GCH1: variants seen among roughly 807,000 people sequenced by gnomAD.
GCH1 encodes the protein GTP cyclohydrolase I.
A neutral mutation model predicts 25.9 loss-of-function variants in GCH1; 5 were observed. The observed-to-expected ratio is 0.19, with a 90% CI of 0.10 to 0.41. The LOEUF (loss-of-function observed/expected upper bound fraction) is 0.41, where lower values mean the gene tolerates loss of function less well. GCH1 is among the 10% of genes least tolerant of loss of function. The pLI, the probability that GCH1 is intolerant of heterozygous loss-of-function variation, is 1.00. For missense variants in GCH1, 261 were observed against 336.5 expected (o/e 0.78, Z 1.75); for synonymous variants, 159 against 129.6 (o/e 1.23, Z -1.54).
chr14:54,843,911 T>C lies in GCH1; in HGVS notation c.*106A>G. The C allele has an allele frequency of 6.2e-7, 1 of 1,610,424 alleles. No individual in the cohort carries two copies. The highest frequency in any genetic ancestry group is 2.2e-5 in the East Asian group (1 of 44,858). ...ATATAATTAGTGACAAGGAATAAAG[T>C]TCACATCTGTAACAATTGAAAATGG... is the stretch of plus-strand genomic sequence containing the variant. On this transcript the variant is annotated 3_prime_UTR_variant, in exon 6 of 6. Coordinates refer to ENST00000491895, the MANE Select transcript of GCH1 (RefSeq NM_000161.3).
chr14:54,881,760 G>T (rs2040276324), intron 1 of GCH1, among the ~76,000 whole-genome samples: 1 of 152,134 alleles, frequency 6.6e-6, no homozygotes, highest in Admixed American at 6.5e-5. Context: ...AAAAGTAAAA[G>T]TTTGGTTATT....
chr14:54,868,482 A>G (rs1203128942), intron 1 of GCH1, among the ~76,000 whole-genome samples: 2 of 152,236 alleles, frequency 1.3e-5, no homozygotes, highest in Non-Finnish European at 2.9e-5. Context: ...AGACACAGAA[A>G]GACTAAGGAA....
intron 2 of GCH1, among the ~76,000 whole-genome samples, chr14:54,864,984 T>C (rs1029656455): frequency 3.3e-5 from 5 of 151,868 alleles, no homozygotes; most frequent in African/African-American, 9.7e-5. Flanking sequence ...CATCTCTAGA[T>C]TGGGATGCTA....
At chr14:54,878,580 T>C (rs2040197076) in intron 1 of GCH1, among the ~76,000 whole-genome samples, 1 of 152,194 alleles carries the variant, frequency 6.6e-6, no homozygotes, top group African/African-American at 2.4e-5. Flanking sequence ...TCATGCCTCG[T>C]AGTACCATGG....
At chr14:54,883,893 A>G (rs2040310162) in intron 1 of GCH1, among the ~76,000 whole-genome samples, 1 of 152,112 alleles carries the variant, frequency 6.6e-6, no homozygotes. Flanking sequence ...AAAGAAGGTG[A>G]GGCAGGAAGG....
intron 2 of GCH1, among the ~76,000 whole-genome samples, chr14:54,863,155 C>G (rs1457287879): frequency 2.6e-5 from 4 of 152,036 alleles, no homozygotes; most frequent in Non-Finnish European, 5.9e-5. Flanking sequence ...TGCGGTGGCT[C>G]ACGCCTGTAA....
intron 1 of GCH1, among the ~76,000 whole-genome samples, chr14:54,876,884 G>A (rs1317920479): frequency 2.0e-5 from 3 of 152,160 alleles, no homozygotes; most frequent in Non-Finnish European, 2.9e-5. Context: ...GGATGAAAGG[G>A]AAGCATCTTT....
At chr14:54,879,964 GAC>G (rs2040220578) in intron 1 of GCH1, among the ~76,000 whole-genome samples, 1 of 125,350 alleles carries the variant, frequency 8.0e-6, no homozygotes, top group South Asian at 2.8e-4. Context: ...CAGCCTGGGT[GAC>G]AGAGTAAGGC....
At chr14:54,901,533 G>A (rs2040566120) in intron 1 of GCH1, among the ~76,000 whole-genome samples, 1 of 152,090 alleles carries the variant, frequency 6.6e-6, no homozygotes, top group Admixed American at 6.5e-5. Flanking sequence ...GGTCAACCCG[G>A]CTTTATTTTA....
At chr14:54,895,092 A>T (rs2040467704) in intron 1 of GCH1, among the ~76,000 whole-genome samples, 1 of 152,254 alleles carries the variant, frequency 6.6e-6, no homozygotes, top group Non-Finnish European at 1.5e-5. Flanking sequence ...TCAAAAAGAA[A>T]AACCTTTTGT....
rs1455654286 is a variant in GCH1 at position 54,873,560 on chromosome 14, G to A, written c.344-8124C>T. On this transcript the variant is annotated intron_variant, in intron 1 of 5. Transcript: ENST00000491895. ...AAAAAATCAATGAATCCAGGAGCTG[G>A]TTTTTTGAAAAGATCAATAAAATTG... is the stretch of plus-strand genomic sequence containing the variant. Among the ~76,000 whole-genome samples, 3 of 152,118 alleles carry A rather than the reference G, an allele frequency of 2.0e-5. No homozygotes were observed. The East Asian group carries it at 5.8e-4, about 29-fold the overall frequency.
chr14:54,897,299 T>A (rs1002144854), intron 1 of GCH1, among the ~76,000 whole-genome samples: 2 of 150,822 alleles, frequency 1.3e-5, no homozygotes, highest in Non-Finnish European at 2.9e-5. Flanking sequence ...ACTCACTTTT[T>A]TTTTCTGAGA....
At chr14:54,859,609 G>A (rs1033671802) in intron 3 of GCH1, 72 bp downstream of exon 3, 34 of 849,668 alleles carry the variant, frequency 4.0e-5, no homozygotes, top group Non-Finnish European at 6.9e-5. Flanking sequence ...AAAGCCTGAT[G>A]AGATAGATTC....
intron 3 of GCH1, among the ~76,000 whole-genome samples, chr14:54,849,378 A>T (rs948385435): frequency 6.6e-6 from 1 of 152,054 alleles, no homozygotes; most frequent in Non-Finnish European, 1.5e-5. Context: ...TTCTGGAAAG[A>T]TAATTTGTTG....
chr14:54,891,552 GGCACATGCCACTAT>G (rs1255505412), intron 1 of GCH1, among the ~76,000 whole-genome samples: 1 of 152,000 alleles, frequency 6.6e-6, no homozygotes, highest in Admixed American at 6.6e-5. Context: ...TGGGATTACA[GGCACATGCCACTAT>G]GCCTGCTTAA....
chr14:54,901,600 C>A (rs1181663839), intron 1 of GCH1, among the ~76,000 whole-genome samples: 1 of 152,286 alleles, frequency 6.6e-6, no homozygotes, highest in South Asian at 2.1e-4. Context: ...CCCTCCGAAT[C>A]CCGGAGTAGC....
At chr14:54,865,207 T>C (rs945014288) in intron 2 of GCH1, 120 bp downstream of exon 2, 48 of 641,562 alleles carry the variant, frequency 7.5e-5, no homozygotes, top group Non-Finnish European at 1.3e-4. Flanking sequence ...ACCATATATG[T>C]ATAATTGTAA....
chr14:54,867,113 G>A lies in GCH1; in HGVS notation c.344-1677C>T, dbSNP rs145659172. Among the ~76,000 whole-genome samples the A allele has an allele frequency of 4.1e-3, 631 of 152,182 alleles. 9 individuals are homozygous for A. The highest frequency in any genetic ancestry group is 6.3e-3 in the Non-Finnish European group (425 of 67,990). ...CTTACTAAAATCTTTAGTCACACAAGATATATTCCTGGAAGGAAAAACAAA... is the reference window on the plus strand; with the variant it reads ...CTTACTAAAATCTTTAGTCACACAAAATATATTCCTGGAAGGAAAAACAAA... On this transcript the variant is annotated intron_variant, in intron 1 of 5. Transcript: ENST00000491895.
At chr14:54,894,923 A>G (rs1458232281) in intron 1 of GCH1, among the ~76,000 whole-genome samples, 3 of 152,152 alleles carry the variant, frequency 2.0e-5, no homozygotes, top group Non-Finnish European at 1.5e-5. Flanking sequence ...CATTTCTATA[A>G]TATACTTTAA....
Sources: allele counts gnomAD v4.1 joint callset (sites outside exome capture counted in the v4.1 genomes callset), GRCh38; gene constraint gnomAD v4.1.1; transcripts MANE v1.5; gene names NCBI Gene and HGNC (gene_info 2026-07-23, HGNC 2026-07-21).